Variants in PABPC4L observed in about 807,000 individuals in gnomAD.
PABPC4L encodes the protein poly(A) binding protein cytoplasmic 4 like.
For synonymous variants in PABPC4L, 169 were observed against 164.1 expected, an observed-to-expected ratio of 1.03 and a Z score of -0.23; for missense variants, 452 against 451.4, an observed-to-expected ratio of 1.00 and a Z score of -0.01.
chr4:134,164,680 C>G, the PABPC4L span, among the ~76,000 whole-genome samples: 1 of 151,940 alleles, frequency 6.6e-6, no homozygotes, highest in South Asian at 2.1e-4. Flanking sequence ...GATAAGTATT[C>G]TAAAAATGAC....
At position 134,200,768 on chromosome 4, in the gene PABPC4L, C is replaced by T. The variant is rs770237420; in HGVS notation, c.252G>A (p.Met84Ile). ...TCAAGTAGGCATCGCGCTGAGACCA[C>T]ATGAGACGGATGGATTTGCCTTTTA... is the stretch of plus-strand genomic sequence containing the variant. Reference protein sequence around the residue: ...DIIKGKSIRLMWSQRDAYLRR... With the variant: ...DIIKGKSIRLIWSQRDAYLRR... Residue 84 changes from methionine (M) to isoleucine (I), a missense_variant, in exon 2 of 2, where the codon ATG becomes ATA. Coordinates refer to ENST00000421491, the MANE Select transcript of PABPC4L (RefSeq NM_001114734.2). The T allele has an allele frequency of 3.3e-5, 51 of 1,551,652 alleles. 1 individual carries two copies. Among genetic ancestry groups the T allele is most frequent in the Non-Finnish European group, 4.4e-5 (51 of 1,147,032 alleles).
the PABPC4L span, among the ~76,000 whole-genome samples, chr4:134,153,302 C>T: frequency 6.6e-6 from 1 of 151,948 alleles, no homozygotes; most frequent in Non-Finnish European, 1.5e-5. Context: ...TTTGCCGAGT[C>T]ATCACTGTTA....
the PABPC4L span, among the ~76,000 whole-genome samples, chr4:134,130,715 T>TA: frequency 1.3e-5 from 2 of 151,462 alleles, no homozygotes; most frequent in African/African-American, 2.4e-5. Context: ...GAAAAGGACA[T>TA]AAAAAAAACT....
the PABPC4L span, among the ~76,000 whole-genome samples, chr4:134,023,924 A>G: frequency 6.6e-6 from 1 of 152,154 alleles, no homozygotes; most frequent in South Asian, 2.1e-4. Context: ...TTGGAGAAAA[A>G]AACTTATAAA....
chr4:134,159,090 G>T, the PABPC4L span, among the ~76,000 whole-genome samples: 1 of 152,140 alleles, frequency 6.6e-6, no homozygotes, highest in South Asian at 2.1e-4. Context: ...TTATAGAAAA[G>T]AAAGTTACTG....
the PABPC4L span, among the ~76,000 whole-genome samples, chr4:134,016,973 G>T: frequency 2.0e-5 from 3 of 152,114 alleles, no homozygotes; most frequent in Admixed American, 6.6e-5. Flanking sequence ...TCACTGGATA[G>T]GTAGAGGCCT....
chr4:134,132,108 A>T, the PABPC4L span, among the ~76,000 whole-genome samples: 4 of 152,174 alleles, frequency 2.6e-5, no homozygotes, highest in African/African-American at 9.6e-5. Flanking sequence ...ACCCATAAAA[A>T]TTCTAGAAGA....
chr4:134,155,435 C>CACACACAT, the PABPC4L span, among the ~76,000 whole-genome samples: 2 of 151,442 alleles, frequency 1.3e-5, no homozygotes, highest in South Asian at 4.2e-4. Context: ...CACACACACA[C>CACACACAT]AGAGTCATGT....
the PABPC4L span, among the ~76,000 whole-genome samples, chr4:133,995,579 G>A: frequency 6.6e-6 from 1 of 152,114 alleles, no homozygotes; most frequent in Admixed American, 6.6e-5. Context: ...GGCTCCTGAG[G>A]CCCTTGCTGA....
the PABPC4L span, among the ~76,000 whole-genome samples, chr4:134,143,771 A>G: frequency 1.3e-5 from 2 of 151,492 alleles, no homozygotes; most frequent in South Asian, 2.1e-4. Context: ...TGATAAATAA[A>G]TGAAACTTTT....
the PABPC4L span, among the ~76,000 whole-genome samples, chr4:134,129,524 C>T: frequency 6.6e-6 from 1 of 151,842 alleles, no homozygotes; most frequent in Admixed American, 6.6e-5. Flanking sequence ...AAAACGACAC[C>T]CCCAAACCAT....
chr4:134,111,549 CAGG>C, the PABPC4L span, among the ~76,000 whole-genome samples: 1 of 151,776 alleles, frequency 6.6e-6, no homozygotes, highest in African/African-American at 2.4e-5. Context: ...TCTAGAGAAC[CAGG>C]ACTATTGCAT....
At chr4:133,980,352 C>G in the PABPC4L span, among the ~76,000 whole-genome samples, 1 of 152,072 alleles carries the variant, frequency 6.6e-6, no homozygotes, top group East Asian at 1.9e-4. Flanking sequence ...TTGGCTTCAA[C>G]CTGAATAACA....
chr4:134,161,589 A>G, the PABPC4L span, among the ~76,000 whole-genome samples: 1 of 152,160 alleles, frequency 6.6e-6, no homozygotes, highest in Non-Finnish European at 1.5e-5. Context: ...TCAAACATGA[A>G]GTAGAAATAA....
the PABPC4L span, among the ~76,000 whole-genome samples, chr4:134,082,357 A>G: frequency 2.0e-5 from 3 of 152,054 alleles, no homozygotes. Flanking sequence ...TAAAGATGGG[A>G]GTCAGACATG....
At position 134,201,048 on chromosome 4, in the gene PABPC4L, C is replaced by A; in HGVS notation, c.-29G>T. The stretch of plus-strand genomic sequence containing the variant: ...CTTGTCCTTGCCACTGTGAGTTTGT[C>A]CCCTGGAGTTCTTTGAGCAATCCCT... On this transcript the variant is annotated 5_prime_UTR_variant, in exon 2 of 2. Coordinates refer to ENST00000421491, the MANE Select transcript of PABPC4L (RefSeq NM_001114734.2). 6.4e-7 allele frequency: 1 copy of A among 1,551,582 alleles called. No homozygotes were observed. Among genetic ancestry groups the A allele is most frequent in the African/African-American group, 1.4e-5 (1 of 73,122 alleles).
chr4:134,069,944 G>A, the PABPC4L span, among the ~76,000 whole-genome samples: 1 of 148,406 alleles, frequency 6.7e-6, no homozygotes, highest in African/African-American at 2.5e-5. Context: ...TCATCTGTGT[G>A]GTCTGATGTT....
chr4:134,005,644 G>A, the PABPC4L span, among the ~76,000 whole-genome samples: 1 of 151,782 alleles, frequency 6.6e-6, no homozygotes, highest in Non-Finnish European at 1.5e-5. Context: ...TGGTTTTGGA[G>A]TGGTTACTGC....
chr4:133,983,273 T>C, the PABPC4L span, among the ~76,000 whole-genome samples: 2 of 151,932 alleles, frequency 1.3e-5, no homozygotes, highest in Non-Finnish European at 2.9e-5. Context: ...AGAGTCAACC[T>C]CATAAACTTT....
Sources: allele counts gnomAD v4.1 joint callset (sites outside exome capture counted in the v4.1 genomes callset), GRCh38; gene constraint gnomAD v4.1.1; transcripts MANE v1.5; gene names NCBI Gene and HGNC (gene_info 2026-07-23, HGNC 2026-07-21).